CASK: variants seen among roughly 807,000 people sequenced by gnomAD.
The protein encoded by CASK is calcium/calmodulin dependent serine protein kinase.
A neutral mutation model predicts 82.9 loss-of-function variants in CASK; 4 were observed. The observed-to-expected ratio is 0.05, with a 90% CI of 0.02 to 0.11. The LOEUF is 0.11. Among genes scored for constraint, CASK ranks in the 10% least tolerant of loss-of-function variants. The pLI is 1.00. For missense variants in CASK, 358 were observed against 720.9 expected (o/e 0.50, Z 5.76); for synonymous variants, 259 against 253.5 (o/e 1.02, Z -0.20).
At chrX:41,835,253 C>T (rs2070908303) in intron 2 of CASK, among the ~76,000 whole-genome samples, 1 of 111,556 alleles carries the variant, frequency 9.0e-6, no homozygotes, top group Non-Finnish European at 1.9e-5. Context: ...AGGGTTTCAC[C>T]ATGTTGGCCA....
Position 41,568,823 on chromosome X carries a change from G to C in CASK, c.1582+845C>G, listed in dbSNP as rs189601771. 5.5e-3 allele frequency among the ~76,000 whole-genome samples: 614 copies of C among 111,236 alleles called. 5 individuals carry two copies. Among genetic ancestry groups the C allele is most frequent in the African/African-American group, 0.019 (588 of 30,601 alleles). On this transcript the variant is annotated intron_variant, in intron 16 of 26. Transcript: ENST00000378163. Reference sequence around the variant, plus strand: ...GACCAGCCTGGGCAACATGGTAAAAGCCCATCTCTACAAAAATATCAAAAG... The same window carrying C: ...GACCAGCCTGGGCAACATGGTAAAACCCCATCTCTACAAAAATATCAAAAG...
At chrX:41,578,662 C>T in intron 14 of CASK, 134 bp from the exon 15 acceptor site, 1 of 475,181 alleles carries the variant, frequency 2.1e-6, no homozygotes, top group Non-Finnish European at 3.5e-6. Context: ...GATCTCAGCT[C>T]ACTGCAGGCT....
chrX:41,708,612 A>C (rs902068765), intron 5 of CASK, among the ~76,000 whole-genome samples: 5 of 112,452 alleles, frequency 4.4e-5, no homozygotes. Context: ...TCATGTGTAA[A>C]GTGGTTTTCA....
At chrX:41,746,639 C>A (rs1427450371) in intron 3 of CASK, among the ~76,000 whole-genome samples, 1 of 111,635 alleles carries the variant, frequency 9.0e-6, no homozygotes, top group Non-Finnish European at 1.9e-5. Flanking sequence ...ATTTTTAAAT[C>A]CAGTATCTCA....
chrX:41,839,951 A>G (rs2071001585), intron 2 of CASK, among the ~76,000 whole-genome samples: 2 of 111,811 alleles, frequency 1.8e-5, no homozygotes, highest in Non-Finnish European at 3.8e-5. Flanking sequence ...TCCTTCACCA[A>G]TACTACACTG....
intron 11 of CASK, among the ~76,000 whole-genome samples, chrX:41,611,834 G>A (rs955083758): frequency 3.6e-5 from 4 of 110,566 alleles, no homozygotes; most frequent in Middle Eastern, 4.7e-3. Context: ...GAGTGCCTGC[G>A]ATTGCAGGCG....
At chrX:41,595,291 C>T (rs751760493) in intron 12 of CASK, among the ~76,000 whole-genome samples, 1 of 112,168 alleles carries the variant, frequency 8.9e-6, no homozygotes, top group African/African-American at 3.2e-5. Flanking sequence ...TTACTTTATA[C>T]AACTTTCAAG....
intron 5 of CASK, among the ~76,000 whole-genome samples, chrX:41,680,502 A>AAAAAT: frequency 9.1e-6 from 1 of 110,150 alleles, no homozygotes; most frequent in Admixed American, 9.7e-5. Flanking sequence ...TAATAAAAAT[A>AAAAAT]AAAATAAAAT....
intron 1 of CASK, among the ~76,000 whole-genome samples, chrX:41,890,417 G>GA (rs369363027): frequency 9.9e-4 from 102 of 103,019 alleles, no homozygotes; most frequent in African/African-American, 2.1e-3. Flanking sequence ...CTATGCTGGG[G>GA]AAAAAAAAAA....
chrX:41,718,470 G>C (rs2068101785), intron 5 of CASK, among the ~76,000 whole-genome samples: 1 of 111,654 alleles, frequency 9.0e-6, no homozygotes, highest in African/African-American at 3.3e-5. Context: ...CAACCTGTGG[G>C]ATCTGACGCT....
intron 1 of CASK, among the ~76,000 whole-genome samples, chrX:41,853,753 G>C (rs1330163061): frequency 9.0e-6 from 1 of 111,332 alleles, no homozygotes; most frequent in Admixed American, 9.6e-5. Flanking sequence ...TCTTCTACTA[G>C]AACCACTGAA....
chrX:41,780,532 A>C (rs1178642611), intron 3 of CASK, among the ~76,000 whole-genome samples: 1 of 112,148 alleles, frequency 8.9e-6, no homozygotes, highest in Non-Finnish European at 1.9e-5. Flanking sequence ...TAAAATTTGA[A>C]ATTTACTAAT....
rs748392522 is a variant in CASK, at chrX:41,786,391, C to CT, written c.278+786dup. Among the ~76,000 whole-genome samples the CT allele has an allele frequency of 2.5e-3, 238 of 95,110 alleles. No homozygotes were observed. The South Asian group carries it at 0.032, about 13-fold the overall frequency. The allele number at this position is 95,110 out of a possible 115,157, so 82.6% of individuals were successfully genotyped here. A position where few individuals can be genotyped will look rare whatever the true frequency, so the allele number is the denominator to read the frequency against. On this transcript the variant is annotated intron_variant, in intron 3 of 26. Transcript: ENST00000378163. Reference sequence around the variant, plus strand: ...CCTAATCAAAGTCACTGATTACAACCTTTTTTTTTTTTTTTTAGAAAAAAA... The same window carrying CT: ...CCTAATCAAAGTCACTGATTACAACCTTTTTTTTTTTTTTTTTAGAAAAAAA...
intron 3 of CASK, among the ~76,000 whole-genome samples, chrX:41,747,636 T>A (rs748316429): frequency 3.1e-4 from 34 of 111,394 alleles, no homozygotes; most frequent in African/African-American, 1.0e-3. Context: ...AGAGACGGGG[T>A]TTCACCGTGT....
chrX:41,537,706 G>A (rs899573421), intron 22 of CASK, among the ~76,000 whole-genome samples: 1 of 109,861 alleles, frequency 9.1e-6, no homozygotes, highest in Non-Finnish European at 1.9e-5. Flanking sequence ...ACATTTTATC[G>A]AGAATAGTTA....
At chrX:41,820,374 TA>T (rs1299105352) in intron 2 of CASK, among the ~76,000 whole-genome samples, 1 of 111,371 alleles carries the variant, frequency 9.0e-6, no homozygotes, top group African/African-American at 3.2e-5. Context: ...ATACTATCAA[TA>T]ATCATTAAAT....
In CASK at chrX:41,808,882, G is replaced by A. The variant is rs113019196; in HGVS notation, c.173-21599C>T. ...CGCGTCACTCTCACCCTGATACTGC[G>A]CTCCACCCTGATACTGTGCTTTTCC... On this transcript the variant is annotated intron_variant, in intron 2 of 26. Transcript: ENST00000378163. Among the ~76,000 whole-genome samples, 743 of 112,574 alleles carry A rather than the reference G, an allele frequency of 6.6e-3. 3 individuals carry two copies. Among genetic ancestry groups the A allele is most frequent in the African/African-American group, 0.023 (701 of 31,090 alleles).
intron 13 of CASK, chrX:41,587,367 A>AT (rs1161330559): frequency 2.3e-5 from 3 of 129,553 alleles, no homozygotes; most frequent in African/African-American, 9.6e-5. Context: ...TTTCTTTTAT[A>AT]TTAACAGCAC....
intron 3 of CASK, among the ~76,000 whole-genome samples, chrX:41,775,106 CAT>C (rs1284541613): frequency 9.4e-6 from 1 of 106,726 alleles, no homozygotes; most frequent in Non-Finnish European, 1.9e-5. Flanking sequence ...CAACCTACAA[CAT>C]GGGAGAAAAT....
Sources: gnomAD v4.1 joint callset for allele counts (sites outside exome capture counted in the v4.1 genomes callset) on GRCh38, gnomAD v4.1.1 for gene constraint, MANE v1.5 for transcripts, NCBI Gene and HGNC (gene_info 2026-07-23, HGNC 2026-07-21) for gene names.